Variants in MAN1A1 observed in about 807,000 individuals in gnomAD.
MAN1A1 encodes mannosyl-oligosaccharide 1,2-alpha-mannosidase IA.
A neutral mutation model predicts 70.8 loss-of-function variants in MAN1A1; 29 were observed. The observed-to-expected ratio is 0.41, with a 90% CI of 0.31 to 0.56. The LOEUF is 0.56. MAN1A1 is among the 20% of genes least tolerant of loss of function. The probability of loss-of-function intolerance (pLI) is 0.29; values close to 1 mark genes in which losing one functional copy is unlikely to be tolerated. For synonymous variants in MAN1A1, 349 were observed against 330.1 expected (o/e 1.06, Z -0.62); for missense variants, 747 against 841.3 (o/e 0.89, Z 1.39).
rs535843134 is a variant in MAN1A1, at chr6:119,224,834, T to C, written c.993-19952A>G. 5.3e-5 allele frequency among the ~76,000 whole-genome samples: 8 copies of C among 152,178 alleles called. 1 individual carries two copies. In the South Asian group the frequency reaches 1.0e-3, roughly 20 times the overall value. On this transcript the variant is annotated intron_variant, in intron 6 of 12. Transcript: ENST00000368468. ...GTAAACTTGAAGATATCACTAAAAA[T>C]AATTGTATCTGGGGCCGGGTGCAGT...
At chr6:119,287,188 C>T (rs1776398400) in intron 5 of MAN1A1, among the ~76,000 whole-genome samples, 1 of 152,054 alleles carries the variant, frequency 6.6e-6, no homozygotes, top group Non-Finnish European at 1.5e-5. Flanking sequence ...GTCCATGTTA[C>T]TAATTGCAGG....
At chr6:119,189,530 T>G in intron 10 of MAN1A1, 134 bp downstream of exon 10, 2 of 775,174 alleles carry the variant, frequency 2.6e-6, no homozygotes, top group Non-Finnish European at 4.3e-6. Flanking sequence ...AAATATACAT[T>G]CCTTTGAGAC....
At chr6:119,244,829 T>A (rs1029120947) in intron 6 of MAN1A1, among the ~76,000 whole-genome samples, 2 of 152,158 alleles carry the variant, frequency 1.3e-5, no homozygotes, top group African/African-American at 2.4e-5. Flanking sequence ...AACCAGGCTG[T>A]GAGTCCCCTG....
At chr6:119,216,618 T>A (rs1045434514) in intron 6 of MAN1A1, among the ~76,000 whole-genome samples, 5 of 152,232 alleles carry the variant, frequency 3.3e-5, no homozygotes, top group African/African-American at 1.2e-4. Context: ...GCCAAATTCA[T>A]GCATTTTAAT....
In MAN1A1 at chr6:119,187,196, G is replaced by A. The variant is rs577290195; in HGVS notation, c.1719+1209C>T. Among the ~76,000 whole-genome samples, 79 of 152,176 alleles carry A rather than the reference G, an allele frequency of 5.2e-4. 1 individual carries two copies. The South Asian group carries it at 0.015, about 29-fold the overall frequency. On this transcript the variant is annotated intron_variant, in intron 11 of 12. Coordinates refer to ENST00000368468, the MANE Select transcript of MAN1A1 (RefSeq NM_005907.4). ...AATTGGTAGTGTTATTTTTCTTAGT[G>A]GTATATAAAATAATGATGCTTCTTA... is the stretch of plus-strand genomic sequence containing the variant.
rs958461061 is a variant in MAN1A1 at position 119,235,849 on chromosome 6, T to C, written c.992+12411A>G. Among the ~76,000 whole-genome samples, 6 of 152,132 alleles carry C rather than the reference T, an allele frequency of 3.9e-5. No individual in the cohort carries two copies. In the East Asian group the frequency reaches 1.2e-3, roughly 29 times the overall value. ...ATCCTAGGGCCCTTAGGAATTACAC[T>C]AAATCTGGCTGGGTGTGATGGCTCA... On this transcript the variant is annotated intron_variant, in intron 6 of 12. Transcript: ENST00000368468.
chr6:119,319,975 T>C (rs1772963529), intron 2 of MAN1A1, among the ~76,000 whole-genome samples: 1 of 151,914 alleles, frequency 6.6e-6, no homozygotes, highest in African/African-American at 2.4e-5. Flanking sequence ...TGCAGTGGTA[T>C]CTTCTTTTTT....
At chr6:119,206,548 A>G (rs1230562590) in intron 6 of MAN1A1, among the ~76,000 whole-genome samples, 5 of 152,352 alleles carry the variant, frequency 3.3e-5, no homozygotes, top group Admixed American at 2.6e-4. Flanking sequence ...GAAATAAGAC[A>G]CAGAGATCTG....
At chr6:119,219,724 A>C (rs1774305495) in intron 6 of MAN1A1, among the ~76,000 whole-genome samples, 1 of 152,168 alleles carries the variant, frequency 6.6e-6, no homozygotes, top group African/African-American at 2.4e-5. Context: ...TTAAAAGTGT[A>C]ACAAATTGCT....
chr6:119,331,584 T>TATATATATAC (rs1385682995), intron 2 of MAN1A1, among the ~76,000 whole-genome samples: 10 of 145,716 alleles, frequency 6.9e-5, no homozygotes, highest in African/African-American at 2.5e-4. Context: ...TATATATATA[T>TATATATATAC]ATATATATAT....
At chr6:119,257,824 A>T (rs980392771) in intron 5 of MAN1A1, among the ~76,000 whole-genome samples, 1 of 152,164 alleles carries the variant, frequency 6.6e-6, no homozygotes, top group Non-Finnish European at 1.5e-5. Context: ...AGAATGATAA[A>T]TAATAATAAA....
chr6:119,221,561 C>T (rs1312626642), intron 6 of MAN1A1, among the ~76,000 whole-genome samples: 3 of 151,182 alleles, frequency 2.0e-5, no homozygotes, highest in Non-Finnish European at 4.4e-5. Context: ...CAACCTCTGC[C>T]TCCTGGGTTC....
At chr6:119,205,183 T>G (rs1157491685) in intron 6 of MAN1A1, among the ~76,000 whole-genome samples, 1 of 152,308 alleles carries the variant, frequency 6.6e-6, no homozygotes, top group East Asian at 1.9e-4. Context: ...CCATTCCACA[T>G]AGAATATAAA....
Position 119,204,960 on chromosome 6 carries a change from A to T in MAN1A1, c.993-78T>A. The T allele has an allele frequency of 2.0e-6, 3 of 1,485,640 alleles. 1 individual carries two copies. The South Asian group carries it at 3.8e-5, about 19-fold the overall frequency. 92.0% of individuals were successfully genotyped at this position (1,485,640 alleles called of 1,614,324 possible). On this transcript the variant is annotated intron_variant, in intron 6 of 12. Transcript: ENST00000368468. Reference sequence around the variant, plus strand: ...ACTATCTAAATAGCAGACATGAAATAGACAGCTTTTAAAAAAAGGCATCCT... The same window carrying T: ...ACTATCTAAATAGCAGACATGAAATTGACAGCTTTTAAAAAAAGGCATCCT...
At chr6:119,300,442 G>A (rs888768346) in intron 4 of MAN1A1, among the ~76,000 whole-genome samples, 5 of 151,876 alleles carry the variant, frequency 3.3e-5, no homozygotes, top group African/African-American at 1.2e-4. Flanking sequence ...TTTTAGTAGA[G>A]ACGGGGTTTC....
intron 5 of MAN1A1, among the ~76,000 whole-genome samples, chr6:119,250,698 G>A (rs960751811): frequency 6.0e-5 from 9 of 150,768 alleles, no homozygotes; most frequent in African/African-American, 2.0e-4. Context: ...CTCCCCACCT[G>A]CCTCTTCCCC....
intron 5 of MAN1A1, among the ~76,000 whole-genome samples, chr6:119,273,739 A>G (rs1775984413): frequency 6.6e-6 from 1 of 152,168 alleles, no homozygotes; most frequent in Non-Finnish European, 1.5e-5. Flanking sequence ...GCCTGAGAGT[A>G]AATTTTTGCC....
intron 2 of MAN1A1, among the ~76,000 whole-genome samples, chr6:119,316,283 T>C (rs938269618): frequency 6.7e-6 from 1 of 150,030 alleles, no homozygotes; most frequent in Non-Finnish European, 1.5e-5. Context: ...GTTCAAGCGA[T>C]TGTCCTGCCT....
intron 7 of MAN1A1, among the ~76,000 whole-genome samples, chr6:119,204,104 G>A (rs965903638): frequency 3.9e-5 from 6 of 152,152 alleles, no homozygotes; most frequent in African/African-American, 9.7e-5. Context: ...TCTCAGGAAC[G>A]AAGAACTGAC....
Sources: gnomAD v4.1 joint callset for allele counts (sites outside exome capture counted in the v4.1 genomes callset) on GRCh38, gnomAD v4.1.1 for gene constraint, MANE v1.5 for transcripts, NCBI Gene and HGNC (gene_info 2026-07-23, HGNC 2026-07-21) for gene names.